Variants in BICC1 observed in about 807,000 individuals in gnomAD.
BICC1 encodes the protein BicC family RNA binding protein 1.
Under a neutral mutation model 111.0 loss-of-function variants are expected in BICC1, and 43 were observed. That is an observed-to-expected ratio of 0.39 (90% CI 0.30 to 0.50). The LOEUF is 0.50. BICC1 is among the 20% of genes least tolerant of loss of function. The pLI, the probability that BICC1 is intolerant of heterozygous loss-of-function variation, is 0.88. For synonymous variants in BICC1, 467 were observed against 434.4 expected, an observed-to-expected ratio of 1.07 and a Z score of -0.93; for missense variants, 1,091 against 1,203.2, an observed-to-expected ratio of 0.91 and a Z score of 1.38.
intron 1 of BICC1, among the ~76,000 whole-genome samples, chr10:58,609,893 A>C (rs934524395): frequency 6.6e-6 from 1 of 152,216 alleles, no homozygotes; most frequent in Non-Finnish European, 1.5e-5. Context: ...AAATACCCAA[A>C]GTCTTCAAAT....
intron 10 of BICC1, among the ~76,000 whole-genome samples, chr10:58,796,965 G>A (rs990436025): frequency 1.1e-4 from 17 of 152,026 alleles, no homozygotes; most frequent in African/African-American, 3.9e-4. Flanking sequence ...AGCAGAACCC[G>A]CATCTCCAGT....
rs372167341 is a variant in BICC1 at position 58,546,592 on chromosome 10, C to T, written c.190+33259C>T. 1.1e-4 allele frequency among the ~76,000 whole-genome samples: 17 copies of T among 152,196 alleles called. No homozygotes were observed. In the East Asian group the frequency reaches 2.5e-3, roughly 23 times the overall value. On this transcript the variant is annotated intron_variant, in intron 1 of 20. Coordinates refer to ENST00000373886, the MANE Select transcript of BICC1 (RefSeq NM_001080512.3). The stretch of plus-strand genomic sequence containing the variant: ...TTACAGGTCATCTCTACTGAGGCAT[C>T]GTTGGTGAAGTCCTCTAAGACTCAG...
At chr10:58,792,365 T>C (rs1324600964) in intron 8 of BICC1, among the ~76,000 whole-genome samples, 1 of 152,156 alleles carries the variant, frequency 6.6e-6, no homozygotes, top group African/African-American at 2.4e-5. Context: ...GTAGGATTTA[T>C]ATTGGTGAAG....
chr10:58,756,603 A>G (rs566101032), intron 3 of BICC1, among the ~76,000 whole-genome samples: 1 of 145,202 alleles, frequency 6.9e-6, no homozygotes, highest in East Asian at 2.0e-4. Context: ...CTTGGGATCC[A>G]GGACCCTTTA....
intron 5 of BICC1, among the ~76,000 whole-genome samples, chr10:58,787,963 T>G (rs1456936551): frequency 6.6e-6 from 1 of 151,958 alleles, no homozygotes; most frequent in Non-Finnish European, 1.5e-5. Context: ...GTGTACCATC[T>G]GGTATGGAAA....
intron 2 of BICC1, chr10:58,650,892 G>A (rs1053003103): frequency 3.3e-5 from 5 of 152,004 alleles, no homozygotes; most frequent in African/African-American, 1.2e-4. Flanking sequence ...AGATGTCTTG[G>A]TAGGAGAAGG....
At chr10:58,748,111 G>A (rs1169251253) in intron 3 of BICC1, among the ~76,000 whole-genome samples, 1 of 152,076 alleles carries the variant, frequency 6.6e-6, no homozygotes, top group Non-Finnish European at 1.5e-5. Context: ...AGTTTATAAC[G>A]TAGCTGGATA....
chr10:58,751,744 A>C (rs138936042), intron 3 of BICC1, among the ~76,000 whole-genome samples: 50 of 152,252 alleles, frequency 3.3e-4, no homozygotes, highest in African/African-American at 1.2e-3. Context: ...AAAAACTTCA[A>C]ATTTTGTTTA....
At chr10:58,539,831 T>G (rs1842915652) in intron 1 of BICC1, among the ~76,000 whole-genome samples, 1 of 151,908 alleles carries the variant, frequency 6.6e-6, no homozygotes, top group African/African-American at 2.4e-5. Flanking sequence ...GCAGAATAGA[T>G]AGTCTTTTCA....
chr10:58,717,390 T>A (rs1840780957), intron 3 of BICC1, among the ~76,000 whole-genome samples: 1 of 152,022 alleles, frequency 6.6e-6, no homozygotes, highest in Non-Finnish European at 1.5e-5. Flanking sequence ...ATATTGAAGC[T>A]GAGACTTACA....
intron 1 of BICC1, among the ~76,000 whole-genome samples, chr10:58,581,297 G>A (rs1844273247): frequency 6.6e-6 from 1 of 152,126 alleles, no homozygotes; most frequent in Non-Finnish European, 1.5e-5. Context: ...CAAAAATTAA[G>A]TGGTAATAGT....
At chr10:58,548,980 C>T (rs1438487494) in intron 1 of BICC1, among the ~76,000 whole-genome samples, 1 of 152,014 alleles carries the variant, frequency 6.6e-6, no homozygotes, top group East Asian at 1.9e-4. Context: ...CCACCTCAGC[C>T]TCCTGAGTAG....
chr10:58,810,143 A>G (rs1296971972), intron 17 of BICC1, among the ~76,000 whole-genome samples: 2 of 152,244 alleles, frequency 1.3e-5, no homozygotes, highest in Non-Finnish European at 2.9e-5. Context: ...AAGGGCAGGA[A>G]TAGGCATAGG....
intron 2 of BICC1, among the ~76,000 whole-genome samples, chr10:58,663,403 T>C (rs1367311526): frequency 6.6e-6 from 1 of 152,130 alleles, no homozygotes; most frequent in Admixed American, 6.6e-5. Flanking sequence ...ATTTTCTTCC[T>C]CCCAACTTCT....
chr10:58,671,461 G>A (rs1035484456), intron 2 of BICC1, among the ~76,000 whole-genome samples: 1 of 152,096 alleles, frequency 6.6e-6, no homozygotes, highest in African/African-American at 2.4e-5. Flanking sequence ...ACATTGACAA[G>A]CTGAATGATG....
intron 1 of BICC1, among the ~76,000 whole-genome samples, chr10:58,549,147 GTT>G (rs35446816): frequency 1.0e-4 from 15 of 149,390 alleles, no homozygotes; most frequent in Non-Finnish European, 2.2e-4. Flanking sequence ...CCCTCAGCCA[GTT>G]TTTTTTTTTC....
In BICC1 at chr10:58,581,668, C is replaced by T. The variant is rs541287124; in HGVS notation, c.191-39187C>T. The stretch of plus-strand genomic sequence containing the variant: ...ACGTGTCTGTGGTCAGATCCTGGAG[C>T]CTCGCCTGCTGGGGATCGGTTTTTC... On this transcript the variant is annotated intron_variant, in intron 1 of 20. Transcript: ENST00000373886. Among the ~76,000 whole-genome samples the T allele has an allele frequency of 1.0e-3, 156 of 152,176 alleles. 1 individual carries two copies. Among genetic ancestry groups the T allele is most frequent in the African/African-American group, 3.6e-3 (151 of 41,520 alleles).
chr10:58,785,103 C>A (rs1160978130), intron 4 of BICC1, 23 bp downstream of exon 4: 7 of 1,434,742 alleles, frequency 4.9e-6, no homozygotes, highest in Non-Finnish European at 5.7e-6. Flanking sequence ...TAAGGACACT[C>A]AGATGTCAGA....
chr10:58,800,827 TA>T, intron 13 of BICC1, 62 bp from the exon 14 acceptor site: 1 of 1,472,398 alleles, frequency 6.8e-7, no homozygotes, highest in Non-Finnish European at 9.1e-7. Context: ...CCATTGCAGA[TA>T]ATTGTCAACT....
Sources: allele counts gnomAD v4.1 joint callset (sites outside exome capture counted in the v4.1 genomes callset), GRCh38; gene constraint gnomAD v4.1.1; transcripts MANE v1.5; gene names NCBI Gene and HGNC (gene_info 2026-07-23, HGNC 2026-07-21).